DSC2: variants seen among roughly 807,000 people sequenced by gnomAD.
DSC2 encodes the protein desmocollin-2.
In DSC2, 51 loss-of-function variants were observed where a neutral mutation model predicts 87.6. The ratio of observed to expected loss-of-function variants is 0.58; its 90% CI spans 0.46 to 0.74. The LOEUF (loss-of-function observed/expected upper bound fraction) is 0.74, where lower values mean the gene tolerates loss of function less well. DSC2 is among the 30% of genes least tolerant of loss of function. DSC2 has a pLI of 0.00. For missense variants in DSC2, 1,066 were observed against 1,089.5 expected, an observed-to-expected ratio of 0.98 and a Z score of 0.30; for synonymous variants, 383 against 393.2, an observed-to-expected ratio of 0.97 and a Z score of 0.31.
At chr18:31,079,794 G>T (rs1029581705) in intron 11 of DSC2, 53 bp downstream of exon 11, 3 of 1,606,000 alleles carry the variant, frequency 1.9e-6, no homozygotes, top group Non-Finnish European at 1.7e-6. Flanking sequence ...CTTAAACACT[G>T]AAGATGTATG....
intron 11 of DSC2, among the ~76,000 whole-genome samples, chr18:31,078,597 T>G (rs756522924): frequency 4.6e-5 from 7 of 152,178 alleles, no homozygotes; most frequent in Non-Finnish European, 8.8e-5. Context: ...CAACAAGTAT[T>G]TCTTGGCAAA....
rs1986476803 is a variant in DSC2, at chr18:31,060,304, T to C, written c.*7711A>G. ...ATTCTGCATCACATCTTGTGTATATTGACACCCTCTGCTCCTTTCACCTCT... is the reference window on the plus strand; with the variant it reads ...ATTCTGCATCACATCTTGTGTATATCGACACCCTCTGCTCCTTTCACCTCT... On this transcript the variant is annotated 3_prime_UTR_variant, in exon 16 of 16. Transcript: ENST00000280904. The C allele has an allele frequency of 6.6e-6, 1 of 152,154 alleles. No homozygotes were observed. Among genetic ancestry groups the C allele is most frequent in the Non-Finnish European group, 1.5e-5 (1 of 68,026 alleles). The allele number at this position is 152,154 out of a possible 1,614,324, so 9.4% of individuals were successfully genotyped here. A position where few individuals can be genotyped will look rare whatever the true frequency, so the allele number is the denominator to read the frequency against.
rs1367074043 is a variant in DSC2, at chr18:31,069,229, T to C, written c.2251-78A>G. Reference sequence around the variant, plus strand: ...ATGAAAAAGAACAACATCAAGCGGATAATGCCTTTTTTTGTGTGTATGCTA... The same window carrying C: ...ATGAAAAAGAACAACATCAAGCGGACAATGCCTTTTTTTGTGTGTATGCTA... On this transcript the variant is annotated intron_variant, in intron 14 of 15. Transcript: ENST00000280904. 7.6e-6 allele frequency: 12 copies of C among 1,575,102 alleles called. No homozygotes were observed. The South Asian group carries it at 1.0e-4, about 13-fold the overall frequency.
chr18:31,079,779 G>T (rs1351668701), intron 11 of DSC2, 68 bp downstream of exon 11: 3 of 1,577,630 alleles, frequency 1.9e-6, no homozygotes, highest in Admixed American at 3.3e-5. Context: ...AATGTATACT[G>T]TTGGCTTAAA....
At chr18:31,089,298 AG>A in intron 5 of DSC2, 140 bp downstream of exon 5, 1 of 816,964 alleles carries the variant, frequency 1.2e-6, no homozygotes, top group African/African-American at 1.7e-5. Flanking sequence ...TTTTGTTTCA[AG>A]TCAATTATGT....
At chr18:31,071,963 T>C (rs181237366) in intron 12 of DSC2, 122 bp from the exon 13 acceptor site, 63 of 877,762 alleles carry the variant, frequency 7.2e-5, no homozygotes, top group Non-Finnish European at 1.0e-4. Context: ...TGGGATGGCA[T>C]AGCTGCTAGA....
chr18:31,077,046 T>C (rs929790536), intron 11 of DSC2, among the ~76,000 whole-genome samples: 1 of 152,008 alleles, frequency 6.6e-6, no homozygotes, highest in African/African-American at 2.4e-5. Flanking sequence ...TGAGAGAGTT[T>C]AAAATTCACA....
chr18:31,061,475 A>G lies in DSC2; in HGVS notation c.*6540T>C, dbSNP rs927445662. The G allele has an allele frequency of 1.3e-5, 2 of 152,142 alleles. No homozygotes were observed. The highest frequency in any genetic ancestry group is 4.8e-5 in the African/African-American group (2 of 41,440). 9.4% of individuals were successfully genotyped at this position (152,142 alleles called of 1,614,324 possible). A position where few individuals can be genotyped will look rare whatever the true frequency, so the allele number is the denominator to read the frequency against. On this transcript the variant is annotated 3_prime_UTR_variant, in exon 16 of 16. Coordinates refer to ENST00000280904, the MANE Select transcript of DSC2 (RefSeq NM_024422.6). ...CAGTGAGTATCTCTTCTTTAATCTC[A>G]CGTATACCTAGAATTTAGGATATAC...
chr18:31,076,574 A>C (rs1987023540), intron 11 of DSC2, among the ~76,000 whole-genome samples: 1 of 152,246 alleles, frequency 6.6e-6, no homozygotes, highest in Admixed American at 6.5e-5. Flanking sequence ...CAATTAAACA[A>C]GAATGAAATT....
intron 1 of DSC2, among the ~76,000 whole-genome samples, chr18:31,096,833 G>T (rs1987775006): frequency 6.6e-6 from 1 of 152,046 alleles, no homozygotes; most frequent in African/African-American, 2.4e-5. Context: ...AGGTATATTT[G>T]CAAGAGAAGG....
In DSC2 at chr18:31,066,596, C is replaced by T. The variant is rs1219391092; in HGVS notation, c.*1419G>A. On this transcript the variant is annotated 3_prime_UTR_variant, in exon 16 of 16. Coordinates refer to ENST00000280904, the MANE Select transcript of DSC2 (RefSeq NM_024422.6). ...TAGATAATCAAAAATATTAGAAACA[C>T]ATTTAAAATGTCCATATGTTTAGTA... 6.6e-6 allele frequency: 1 copy of T among 151,930 alleles called. No individual in the cohort carries two copies. Among genetic ancestry groups the T allele is most frequent in the Non-Finnish European group, 1.5e-5 (1 of 67,942 alleles). The allele number at this position is 151,930 out of a possible 1,614,324, so 9.4% of individuals were successfully genotyped here.
At chr18:31,085,709 C>A (rs1987373573) in intron 7 of DSC2, among the ~76,000 whole-genome samples, 1 of 151,886 alleles carries the variant, frequency 6.6e-6, no homozygotes, top group Non-Finnish European at 1.5e-5. Context: ...GAAAATTAAT[C>A]TGAAGATTTA....
intron 12 of DSC2, among the ~76,000 whole-genome samples, chr18:31,073,889 A>T (rs968017616): frequency 1.3e-5 from 2 of 152,254 alleles, no homozygotes; most frequent in Non-Finnish European, 2.9e-5. Context: ...TACAATAGAC[A>T]TGAAATAGTC....
Position 31,064,640 on chromosome 18 carries a change from G to C in DSC2, c.*3375C>G, listed in dbSNP as rs1242739410. ...CTTTTTGCATGAGTTTGAAGTGCTA[G>C]GTTAACAGGGGGCTCGCAGGGGAGC... On this transcript the variant is annotated 3_prime_UTR_variant, in exon 16 of 16. Transcript: ENST00000280904. 2.0e-5 allele frequency: 3 copies of C among 152,152 alleles called. No individual in the cohort carries two copies. The highest frequency in any genetic ancestry group is 4.4e-5 in the Non-Finnish European group (3 of 68,074). The allele number at this position is 152,152 out of a possible 1,614,324, so 9.4% of individuals were successfully genotyped here. A position where few individuals can be genotyped will look rare whatever the true frequency, so the allele number is the denominator to read the frequency against.
Position 31,079,831 on chromosome 18 carries a change from A to G in DSC2, c.1663+16T>C. Reference sequence around the variant, plus strand: ...AGCCAAGGAAGTATGTAGCTGGCTTAAAGACAAATTCTTACCTTGGTCTGA... The same window carrying G: ...AGCCAAGGAAGTATGTAGCTGGCTTGAAGACAAATTCTTACCTTGGTCTGA... On this transcript the variant is annotated intron_variant, in intron 11 of 15. Coordinates refer to ENST00000280904, the MANE Select transcript of DSC2 (RefSeq NM_024422.6). 6.2e-7 allele frequency: 1 copy of G among 1,613,838 alleles called. No individual in the cohort carries two copies.
Position 31,102,151 on chromosome 18 carries a change from C to T in DSC2, c.-180G>A, listed in dbSNP as rs1987989097. On this transcript the variant is annotated 5_prime_UTR_variant, in exon 1 of 16. Coordinates refer to ENST00000280904, the MANE Select transcript of DSC2 (RefSeq NM_024422.6). ...CTTCTCTGAAGCGCCTGCCTCTCAT[C>T]CAAGGGGCTTTTCCTTTGGCGGAGG... 2.0e-6 allele frequency: 1 copy of T among 507,580 alleles called. No individual in the cohort carries two copies. The highest frequency in any genetic ancestry group is 3.3e-6 in the Non-Finnish European group (1 of 299,152). 31.4% of individuals were successfully genotyped at this position (507,580 alleles called of 1,614,324 possible).
At chr18:31,088,384 A>T (rs1206248012) in intron 5 of DSC2, among the ~76,000 whole-genome samples, 1 of 152,172 alleles carries the variant, frequency 6.6e-6, no homozygotes, top group East Asian at 1.9e-4. Context: ...AATACAGTTT[A>T]ATTTTTTTGT....
intron 7 of DSC2, 45 bp downstream of exon 7, chr18:31,086,531 T>C (rs375415753): frequency 1.5e-4 from 249 of 1,610,666 alleles, no homozygotes; most frequent in Non-Finnish European, 2.0e-4. Flanking sequence ...ACAGGTACTA[T>C]TGAATAGCCA....
Position 31,066,829 on chromosome 18 carries a change from T to C in DSC2, c.*1186A>G, listed in dbSNP as rs1463728939. 2.0e-5 allele frequency: 3 copies of C among 152,076 alleles called. No individual in the cohort carries two copies. The highest frequency in any genetic ancestry group is 4.4e-5 in the Non-Finnish European group (3 of 67,980). 9.4% of individuals were successfully genotyped at this position (152,076 alleles called of 1,614,324 possible). A position where few individuals can be genotyped will look rare whatever the true frequency, so the allele number is the denominator to read the frequency against. On this transcript the variant is annotated 3_prime_UTR_variant, in exon 16 of 16. Coordinates refer to ENST00000280904, the MANE Select transcript of DSC2 (RefSeq NM_024422.6). ...CCATTTTATCTAAGTTATAAAATAG[T>C]TACCCCAGGGAGCCTTCAAGATCCC...
Sources: gnomAD v4.1 joint callset for allele counts (sites outside exome capture counted in the v4.1 genomes callset) on GRCh38, gnomAD v4.1.1 for gene constraint, MANE v1.5 for transcripts, NCBI Gene and HGNC (gene_info 2026-07-23, HGNC 2026-07-21) for gene names.